CTNNA2: variants seen among roughly 807,000 people sequenced by gnomAD.
The protein encoded by CTNNA2 is catenin alpha-2.
A neutral mutation model predicts 101.0 loss-of-function variants in CTNNA2; 42 were observed. The ratio of observed to expected loss-of-function variants is 0.42; its 90% CI spans 0.32 to 0.54. The LOEUF is 0.54. Ranked by LOEUF, CTNNA2 falls within the 20% of genes least tolerant of loss-of-function variation. The pLI, the probability that CTNNA2 is intolerant of heterozygous loss-of-function variation, is 0.14. For missense variants in CTNNA2, 871 were observed against 1,223.1 expected (o/e 0.71, Z 4.29); for synonymous variants, 450 against 456.4 (o/e 0.99, Z 0.18).
intron 3 of CTNNA2, among the ~76,000 whole-genome samples, chr2:79,787,750 G>C (rs1323683728): frequency 1.3e-5 from 2 of 151,778 alleles, no homozygotes; most frequent in Non-Finnish European, 2.9e-5. Flanking sequence ...TCCTACCTCT[G>C]CTACCACTGT....
intron 2 of CTNNA2, among the ~76,000 whole-genome samples, chr2:79,703,612 A>G (rs1685154592): frequency 6.6e-6 from 1 of 152,208 alleles, no homozygotes; most frequent in South Asian, 2.1e-4. Context: ...ACATCTGTCA[A>G]TCCTGCTGTG....
At chr2:79,691,569 C>T (rs1289293761) in intron 2 of CTNNA2, among the ~76,000 whole-genome samples, 2 of 151,600 alleles carry the variant, frequency 1.3e-5, no homozygotes, top group African/African-American at 4.8e-5. Context: ...ATAGCCAGGA[C>T]AATCCTAAGC....
intron 2 of CTNNA2, among the ~76,000 whole-genome samples, chr2:79,311,244 C>T (rs955119522): frequency 9.2e-5 from 14 of 152,008 alleles, no homozygotes; most frequent in African/African-American, 3.1e-4. Flanking sequence ...CCCGTCTCTA[C>T]TAAAAATACA....
chr2:80,309,726 G>C (rs189873883), intron 7 of CTNNA2, among the ~76,000 whole-genome samples: 1 of 141,964 alleles, frequency 7.0e-6, no homozygotes, highest in East Asian at 2.1e-4. Context: ...ACGGAGTCTC[G>C]CACGGTCACC....
intron 4 of CTNNA2, among the ~76,000 whole-genome samples, chr2:79,375,072 A>G (rs1029010186): frequency 6.6e-6 from 1 of 152,174 alleles, no homozygotes; most frequent in Non-Finnish European, 1.5e-5. Flanking sequence ...TTGTGGTTTC[A>G]TAGCCCGTAA....
chr2:80,529,837 G>C (rs956764670), intron 9 of CTNNA2, among the ~76,000 whole-genome samples: 7 of 152,116 alleles, frequency 4.6e-5, no homozygotes, highest in Non-Finnish European at 7.3e-5. Flanking sequence ...TTCAGCGAGG[G>C]GGGTAAAAAT....
At chr2:80,603,987 A>T in intron 15 of CTNNA2, 87 bp from the exon 16 acceptor site, 2 of 1,131,152 alleles carry the variant, frequency 1.8e-6, no homozygotes, top group African/African-American at 1.5e-5. Context: ...AAAATACAAC[A>T]CTAGACTCCT....
chr2:80,395,224 G>A (rs1356449191), intron 8 of CTNNA2, among the ~76,000 whole-genome samples: 1 of 152,162 alleles, frequency 6.6e-6, no homozygotes, highest in Non-Finnish European at 1.5e-5. Context: ...GGCAGTGGAA[G>A]GAGTGTGTCC....
intron 7 of CTNNA2, among the ~76,000 whole-genome samples, chr2:79,958,973 TG>T (rs1364316843): frequency 4.9e-4 from 74 of 152,206 alleles, no homozygotes; most frequent in African/African-American, 1.7e-3. Flanking sequence ...GTTTGATATT[TG>T]GCATTTCTCT....
At chr2:79,790,110 G>A (rs1308883560) in intron 3 of CTNNA2, among the ~76,000 whole-genome samples, 1 of 152,186 alleles carries the variant, frequency 6.6e-6, no homozygotes, top group Non-Finnish European at 1.5e-5. Flanking sequence ...GTAGTCAGCA[G>A]TACATCAGTA....
intron 9 of CTNNA2, among the ~76,000 whole-genome samples, chr2:80,421,189 G>T (rs1293856791): frequency 6.6e-6 from 1 of 152,130 alleles, no homozygotes; most frequent in African/African-American, 2.4e-5. Context: ...GTGCTACAAA[G>T]CTTTAAATAT....
chr2:79,974,576 A>G (rs1690705998), intron 7 of CTNNA2, among the ~76,000 whole-genome samples: 1 of 152,158 alleles, frequency 6.6e-6, no homozygotes, highest in African/African-American at 2.4e-5. Context: ...TAGTCAAAGA[A>G]GGATTTAAAG....
intron 7 of CTNNA2, among the ~76,000 whole-genome samples, chr2:80,092,077 T>A (rs1699824808): frequency 3.9e-5 from 6 of 152,098 alleles, no homozygotes; most frequent in Admixed American, 3.9e-4. Context: ...TTAATAGATG[T>A]GTGTGTAAAT....
chr2:79,697,654 T>A (rs985401867), intron 2 of CTNNA2, among the ~76,000 whole-genome samples: 1 of 152,028 alleles, frequency 6.6e-6, no homozygotes, highest in Non-Finnish European at 1.5e-5. Flanking sequence ...CACATCTCTT[T>A]CTCCTCCAAA....
chr2:79,328,403 C>A (rs114531450), intron 3 of CTNNA2, among the ~76,000 whole-genome samples: 1 of 152,130 alleles, frequency 6.6e-6, no homozygotes, highest in African/African-American at 2.4e-5. Flanking sequence ...CTAAGATATT[C>A]ATAACAGATT....
At chr2:80,349,542 A>G (rs529704173) in intron 7 of CTNNA2, among the ~76,000 whole-genome samples, 87 of 152,104 alleles carry the variant, frequency 5.7e-4, no homozygotes, top group African/African-American at 1.9e-3. Flanking sequence ...AGAAGCAGAG[A>G]TCTTCCCACC....
intron 7 of CTNNA2, among the ~76,000 whole-genome samples, chr2:80,356,063 C>T (rs1326916368): frequency 6.6e-6 from 1 of 152,082 alleles, no homozygotes; most frequent in Non-Finnish European, 1.5e-5. Context: ...ATAGTTTGGC[C>T]CTTTTTGGCT....
chr2:79,618,372 A>G (rs1004891203), intron 1 of CTNNA2, among the ~76,000 whole-genome samples: 4 of 151,944 alleles, frequency 2.6e-5, no homozygotes, highest in African/African-American at 9.7e-5. Flanking sequence ...TTTCTATGAT[A>G]GTTATTGGAT....
intron 6 of CTNNA2, among the ~76,000 whole-genome samples, chr2:79,889,894 A>G (rs1684182648): frequency 1.3e-5 from 2 of 152,154 alleles, no homozygotes; most frequent in Non-Finnish European, 1.5e-5. Context: ...ACAGACTCCA[A>G]AGAAGGTCTG....
Sources: allele counts gnomAD v4.1 joint callset (sites outside exome capture counted in the v4.1 genomes callset), GRCh38; gene constraint gnomAD v4.1.1; transcripts MANE v1.5; gene names NCBI Gene and HGNC (gene_info 2026-07-23, HGNC 2026-07-21).